Variants in CFAP54 observed in about 807,000 individuals in gnomAD.
The protein encoded by CFAP54 is cilia and flagella associated protein 54, also known as cilia- and flagella-associated protein 54.
In CFAP54, 290 loss-of-function variants were observed where a neutral mutation model predicts 370.4. That is an observed-to-expected ratio of 0.78 (90% confidence interval 0.71 to 0.86). The LOEUF is 0.86. CFAP54 is among the 40% of genes least tolerant of loss of function. The pLI, the probability that CFAP54 is intolerant of heterozygous loss-of-function variation, is 0.00. For missense variants in CFAP54, 3,399 were observed against 3,528.7 expected (o/e 0.96, Z 0.93); for synonymous variants, 1,206 against 1,236.5 (o/e 0.98, Z 0.52).
intron 63 of CFAP54, among the ~76,000 whole-genome samples, chr12:96,795,050 C>G (rs757584647): frequency 2.0e-5 from 3 of 152,184 alleles, no homozygotes; most frequent in Non-Finnish European, 4.4e-5. Context: ...GGGCTCTGGG[C>G]TGGTACAGAG....
intron 55 of CFAP54, among the ~76,000 whole-genome samples, chr12:96,745,758 T>TA (rs970353750): frequency 2.0e-5 from 3 of 152,212 alleles, no homozygotes; most frequent in Non-Finnish European, 4.4e-5. Context: ...GAAGCTCTGA[T>TA]AACTTGTTTG....
intron 65 of CFAP54, among the ~76,000 whole-genome samples, chr12:96,826,240 A>G (rs925771649): frequency 1.4e-5 from 2 of 144,302 alleles, no homozygotes; most frequent in African/African-American, 2.5e-5. Flanking sequence ...GCCAAATTTC[A>G]GGGTTCTAAA....
intron 39 of CFAP54, among the ~76,000 whole-genome samples, chr12:96,672,414 GC>G (rs777181553): frequency 6.6e-6 from 1 of 152,166 alleles, no homozygotes; most frequent in Non-Finnish European, 1.5e-5. Context: ...GAAGCAAGGG[GC>G]TGCGAGTATA....
intron 26 of CFAP54, among the ~76,000 whole-genome samples, chr12:96,604,415 G>C (rs1956279365): frequency 6.6e-6 from 1 of 152,240 alleles, no homozygotes. Context: ...CAGGGGTCAG[G>C]GACCCACTTG....
At chr12:96,497,586 G>A (rs1051851326) in intron 1 of CFAP54, among the ~76,000 whole-genome samples, 1 of 152,114 alleles carries the variant, frequency 6.6e-6, no homozygotes, top group Non-Finnish European at 1.5e-5. Flanking sequence ...CTTGCCAGGC[G>A]TGACCCATGG....
intron 28 of CFAP54, among the ~76,000 whole-genome samples, chr12:96,625,076 A>T (rs959470316): frequency 6.6e-6 from 1 of 152,194 alleles, no homozygotes; most frequent in African/African-American, 2.4e-5. Context: ...GGAATAGTAA[A>T]TTCAAAAACA....
In CFAP54 at chr12:96,704,796, G is replaced by C. The variant is rs746168773; in HGVS notation, c.6528G>C (p.Gln2176His). ...TTCTTACCAGTAAAGAAAATATACA[G>C]GTAAGGATAATAATATTTTATAAAC... Reference protein sequence around the residue: ...GKLLTSKENIQAIDELRNKGL... With the variant: ...GKLLTSKENIHAIDELRNKGL... Residue 2176 changes from glutamine (Q) to histidine (H), a missense_variant and splice_region_variant, in exon 47 of 68, where the codon CAG (glutamine) becomes CAC (histidine). This residue lies in a region of CFAP54 where 2,796 missense variants were observed against 2,869.7 expected (regional missense o/e 0.97). Transcript: ENST00000524981. The C allele has an allele frequency of 1.4e-5, 15 of 1,078,790 alleles. No individual in the cohort carries two copies. The Admixed American group carries it at 1.5e-4, about 11-fold the overall frequency. The allele number at this position is 1,078,790 out of a possible 1,614,324, so 66.8% of individuals were successfully genotyped here.
At chr12:96,758,177 G>A (rs1479352964) in intron 58 of CFAP54, among the ~76,000 whole-genome samples, 1 of 152,128 alleles carries the variant, frequency 6.6e-6, no homozygotes, top group Non-Finnish European at 1.5e-5. Context: ...AACCAGTAAA[G>A]GAAGGAGATC....
intron 55 of CFAP54, among the ~76,000 whole-genome samples, chr12:96,747,068 T>A (rs1958123617): frequency 6.6e-6 from 1 of 152,190 alleles, no homozygotes; most frequent in Admixed American, 6.6e-5. Flanking sequence ...CATTACGACA[T>A]AAGCTTCTTA....
intron 67 of CFAP54, among the ~76,000 whole-genome samples, chr12:96,867,740 G>C (rs1487967802): frequency 6.6e-6 from 1 of 152,274 alleles, no homozygotes; most frequent in African/African-American, 2.4e-5. Flanking sequence ...GTAGTTACCA[G>C]GGACTAGAGG....
chr12:96,578,346 A>G (rs1259314777), intron 20 of CFAP54, among the ~76,000 whole-genome samples: 1 of 152,188 alleles, frequency 6.6e-6, no homozygotes, highest in Non-Finnish European at 1.5e-5. Context: ...TAACTGTGCT[A>G]TGACAGATGC....
rs148864192 is a variant in CFAP54 at position 96,610,114 on chromosome 12, C to T, written c.3639+11347C>T. 2.8e-3 allele frequency among the ~76,000 whole-genome samples: 430 copies of T among 152,238 alleles called. 2 individuals are homozygous for T. The highest frequency in any genetic ancestry group is 9.2e-3 in the African/African-American group (382 of 41,538). On this transcript the variant is annotated intron_variant, in intron 26 of 67. Coordinates refer to ENST00000524981, the MANE Select transcript of CFAP54 (RefSeq NM_001306084.2). ...GTCACAGAGTGATGGGCAAACAGTT[C>T]GGTGCAATAGAATAGAGAGTCCAGG...
At chr12:96,767,910 G>A (rs1374696909) in intron 60 of CFAP54, among the ~76,000 whole-genome samples, 2 of 152,126 alleles carry the variant, frequency 1.3e-5, no homozygotes, top group Non-Finnish European at 2.9e-5. Flanking sequence ...TACTGTACGA[G>A]ATATTTACAT....
At chr12:96,523,631 A>G (rs1164486332) in intron 8 of CFAP54, among the ~76,000 whole-genome samples, 1 of 152,174 alleles carries the variant, frequency 6.6e-6, no homozygotes, top group Admixed American at 6.6e-5. Context: ...TAAGCTTTTA[A>G]GCTGCCTGCA....
intron 12 of CFAP54, among the ~76,000 whole-genome samples, chr12:96,537,677 G>A (rs1955521593): frequency 6.6e-6 from 1 of 152,134 alleles, no homozygotes; most frequent in Admixed American, 6.5e-5. Flanking sequence ...ATTTTAAAAA[G>A]AGAAAAGTAT....
chr12:96,691,624 G>C (rs913545679), intron 44 of CFAP54, among the ~76,000 whole-genome samples: 1 of 152,092 alleles, frequency 6.6e-6, no homozygotes, highest in Non-Finnish European at 1.5e-5. Flanking sequence ...TAGTGTACTT[G>C]TAAGCCACTG....
chr12:96,856,941 G>A (rs191081588), intron 66 of CFAP54, among the ~76,000 whole-genome samples: 2 of 152,310 alleles, frequency 1.3e-5, no homozygotes, highest in Admixed American at 6.5e-5. Context: ...AAGAAAAGAG[G>A]TTTAATATAC....
chr12:96,851,451 C>G (rs1278057588), intron 66 of CFAP54, among the ~76,000 whole-genome samples: 1 of 151,960 alleles, frequency 6.6e-6, no homozygotes, highest in Non-Finnish European at 1.5e-5. Flanking sequence ...AAAGTTTTAG[C>G]TCTTGTAATA....
At chr12:96,859,732 A>G (rs1238260451) in intron 66 of CFAP54, among the ~76,000 whole-genome samples, 1 of 152,158 alleles carries the variant, frequency 6.6e-6, no homozygotes, top group Non-Finnish European at 1.5e-5. Context: ...AACACTGTGT[A>G]GTTATTCTGT....
Sources: gnomAD v4.1 joint callset for allele counts (sites outside exome capture counted in the v4.1 genomes callset) on GRCh38, gnomAD v4.1.1 for gene constraint, gnomAD v4.1.1 regional missense constraint, MANE v1.5 for transcripts, NCBI Gene and HGNC (gene_info 2026-07-23, HGNC 2026-07-21) for gene names.